AGO3: variants seen among roughly 807,000 people sequenced by gnomAD.
AGO3 encodes protein argonaute-3.
Under a neutral mutation model 105.5 loss-of-function variants are expected in AGO3, and 16 were observed. That is an observed-to-expected ratio of 0.15 (90% CI 0.10 to 0.23). The LOEUF is 0.23. Among genes scored for constraint, AGO3 ranks in the 10% least tolerant of loss-of-function variants. The pLI is 1.00. For missense variants in AGO3, 534 were observed against 1,088.0 expected, an observed-to-expected ratio of 0.49 and a Z score of 7.16; for synonymous variants, 340 against 367.3, an observed-to-expected ratio of 0.93 and a Z score of 0.85.
At chr1:35,930,946 T>C (rs1646028962), upstream of AGO3, 3 of 299,838 alleles carry the variant, frequency 1.0e-5, no homozygotes, top group Non-Finnish European at 1.8e-5. Flanking sequence ...GCCCGCCGCA[T>C]GTGGCCCGGC....
chr1:36,012,171 C>CA (rs1055746082), intron 9 of AGO3, among the ~76,000 whole-genome samples: 6 of 151,136 alleles, frequency 4.0e-5, no homozygotes, highest in African/African-American at 9.7e-5. Context: ...CCCATCTCTA[C>CA]AAAAAAAATG....
At chr1:35,954,305 T>C (rs187596943) in intron 2 of AGO3, among the ~76,000 whole-genome samples, 1 of 150,856 alleles carries the variant, frequency 6.6e-6, no homozygotes, top group African/African-American at 2.5e-5. Flanking sequence ...TTGACTAATA[T>C]TCCTATAATA....
chr1:35,962,181 C>A (rs1489871697), intron 2 of AGO3, among the ~76,000 whole-genome samples: 2 of 152,000 alleles, frequency 1.3e-5, no homozygotes, highest in Non-Finnish European at 2.9e-5. Flanking sequence ...GAAAATTATT[C>A]CAGTGTTCAA....
intron 5 of AGO3, among the ~76,000 whole-genome samples, chr1:35,988,384 A>G (rs1647312406): frequency 6.6e-6 from 1 of 152,158 alleles, no homozygotes; most frequent in Non-Finnish European, 1.5e-5. Flanking sequence ...AGGTCTCCAG[A>G]ACTTACTCAT....
At chr1:36,049,655 A>C (rs1439818024) in intron 17 of AGO3, among the ~76,000 whole-genome samples, 1 of 152,196 alleles carries the variant, frequency 6.6e-6, no homozygotes, top group Admixed American at 6.5e-5. Context: ...TATGCTGCCT[A>C]TGAGAAATTC....
In AGO3 at chr1:35,945,876, A is replaced by C. The variant is rs1257526732; in HGVS notation, c.191+13A>C. 1 of 1,600,724 alleles carries C rather than the reference A, an allele frequency of 6.2e-7. No individual in the cohort carries two copies. On this transcript the variant is annotated intron_variant, in intron 2 of 18. Transcript: ENST00000373191. ...GGAGAGTGAACAGGTAAGAATCATG[A>C]AACTGCAAAGATCTTTTGCTATTTT...
Position 36,064,252 on chromosome 1 carries a change from T to G in AGO3, c.*8507T>G, listed in dbSNP as rs1027684232. On this transcript the variant is annotated 3_prime_UTR_variant, in exon 19 of 19. Coordinates refer to ENST00000373191, the MANE Select transcript of AGO3 (RefSeq NM_024852.4). The stretch of plus-strand genomic sequence containing the variant: ...AAAATTAGCTGGGCATGGTGGCACA[T>G]GCCTGTAATCCCAGCTACTCGGGAG... The G allele has an allele frequency of 6.6e-6, 1 of 152,274 alleles. No homozygotes were observed. The highest frequency in any genetic ancestry group is 2.4e-5 in the African/African-American group (1 of 41,440). The allele number at this position is 152,274 out of a possible 1,614,324, so 9.4% of individuals were successfully genotyped here. A position where few individuals can be genotyped will look rare whatever the true frequency, so the allele number is the denominator to read the frequency against.
At chr1:35,982,176 C>T (rs899594722) in intron 5 of AGO3, among the ~76,000 whole-genome samples, 1 of 152,098 alleles carries the variant, frequency 6.6e-6, no homozygotes, top group Admixed American at 6.5e-5. Flanking sequence ...ACCTGTAATC[C>T]TAGCACTTTG....
rs2148776009 is a variant in AGO3 at position 35,973,423 on chromosome 1, C to T, written c.570C>T (p.Asp190=). The change falls in exon 5 of 19, where the codon GAC becomes GAT. Residue 190 remains aspartate, a synonymous_variant. Transcript: ENST00000373191. ...TTTTCTCCGCTCCAGAAGGATATGACCACCCTCTGGGAGGGGGCAGGGAAG... is the reference window on the plus strand; with the variant it reads ...TTTTCTCCGCTCCAGAAGGATATGATCACCCTCTGGGAGGGGGCAGGGAAG... ...RSFFSAPEGY[D]HPLGGGREVW... 2 of 1,593,838 alleles carry T rather than the reference C, an allele frequency of 1.3e-6. No individual in the cohort carries two copies. The highest frequency in any genetic ancestry group is 2.3e-5 in the South Asian group (2 of 88,294).
At chr1:35,962,240 T>C (rs750149197) in intron 2 of AGO3, among the ~76,000 whole-genome samples, 16 of 152,030 alleles carry the variant, frequency 1.1e-4, no homozygotes, top group Non-Finnish European at 2.2e-4. Flanking sequence ...TAATAAACAC[T>C]CTAGTGAAAA....
intron 5 of AGO3, among the ~76,000 whole-genome samples, chr1:35,979,578 G>T (rs1456296269): frequency 6.6e-6 from 1 of 151,966 alleles, no homozygotes; most frequent in East Asian, 1.9e-4. Context: ...TGTTCTCTCA[G>T]ACTAGGATAA....
Position 35,972,064 on chromosome 1 carries a change from A to G in AGO3, c.353A>G (p.Asp118Gly). The G allele has an allele frequency of 1.9e-6, 3 of 1,614,104 alleles. No homozygotes were observed. Among genetic ancestry groups the G allele is most frequent in the Non-Finnish European group, 2.5e-6 (3 of 1,180,034 alleles). ...DVTLPGEGGK[D>G]RPFKVSIKFV... The stretch of plus-strand genomic sequence containing the variant: ...ACTTTACCTGGGGAAGGTGGAAAAG[A>G]TCGACCTTTCAAGGTGTCAATCAAA... The change falls in exon 4 of 19, where the codon GAT (aspartate) becomes GGT (glycine). Residue 118 changes from aspartate to glycine, a missense_variant. By Grantham distance (94) the Asp-to-Gly change is moderately conservative. Around this residue, in one of 2 missense-constraint regions of AGO3, gnomAD observed 161 missense variants for 234.0 expected, o/e 0.69. Transcript: ENST00000373191.
chr1:35,974,244 T>C (rs1646918635), intron 5 of AGO3, among the ~76,000 whole-genome samples: 1 of 152,164 alleles, frequency 6.6e-6, no homozygotes, highest in Non-Finnish European at 1.5e-5. Context: ...CCTGATTGTC[T>C]GAAATATGCC....
Position 36,056,740 on chromosome 1 carries a change from T to C in AGO3, c.*995T>C. On this transcript the variant is annotated 3_prime_UTR_variant, in exon 19 of 19. Coordinates refer to ENST00000373191, the MANE Select transcript of AGO3 (RefSeq NM_024852.4). The stretch of plus-strand genomic sequence containing the variant: ...TTCTTTTTCTTTTTTCTTTTTCTTT[T>C]CTTTCTTTTTTTTTTTTAATGAGAC... 6.7e-6 allele frequency: 1 copy of C among 150,200 alleles called. No homozygotes were observed. Among genetic ancestry groups the C allele is most frequent in the East Asian group, 2.4e-4 (1 of 4,142 alleles). 9.3% of individuals were successfully genotyped at this position (150,200 alleles called of 1,614,324 possible). A position where few individuals can be genotyped will look rare whatever the true frequency, so the allele number is the denominator to read the frequency against.
At chr1:35,996,038 A>G (rs985867437) in intron 5 of AGO3, among the ~76,000 whole-genome samples, 1 of 152,156 alleles carries the variant, frequency 6.6e-6, no homozygotes. Context: ...TGAGAACACC[A>G]TTAAGAAAAT....
At chr1:35,930,826 C>A (rs1480441046), upstream of AGO3, 11 of 181,844 alleles carry the variant, frequency 6.0e-5, no homozygotes. Flanking sequence ...TAAGCCCCGC[C>A]GCCAGCCGCG....
At chr1:36,010,240 A>G (rs1640537710) in intron 9 of AGO3, among the ~76,000 whole-genome samples, 1 of 151,880 alleles carries the variant, frequency 6.6e-6, no homozygotes, top group Non-Finnish European at 1.5e-5. Flanking sequence ...CACCCGGCCA[A>G]TACTAAAATT....
chr1:36,017,204 T>G (rs1318802110), intron 11 of AGO3, among the ~76,000 whole-genome samples: 2 of 152,208 alleles, frequency 1.3e-5, no homozygotes. Context: ...ACTACTATTA[T>G]GACTCTCAGG....
chr1:35,971,453 C>A (rs1646869264), intron 3 of AGO3, among the ~76,000 whole-genome samples: 1 of 151,602 alleles, frequency 6.6e-6, no homozygotes, highest in Admixed American at 6.6e-5. Context: ...GCCACTGCGC[C>A]TGGCCTTTTT....
Sources: allele counts gnomAD v4.1 joint callset (sites outside exome capture counted in the v4.1 genomes callset), GRCh38; gene constraint gnomAD v4.1.1; regional missense constraint gnomAD v4.1.1; transcripts MANE v1.5; gene names NCBI Gene and HGNC (gene_info 2026-07-23, HGNC 2026-07-21).